Variants in CNTLN observed in about 807,000 individuals in gnomAD.
CNTLN encodes centlein, also known as centlein, centrosomal protein.
CNTLN carries 212 observed loss-of-function variants against 180.0 expected under a neutral mutation model. The ratio of observed to expected loss-of-function variants is 1.18; its 90% CI spans 1.05 to 1.32. CNTLN has a LOEUF of 1.32. Among genes scored for constraint, CNTLN ranks in the 40% most tolerant of loss-of-function variants. CNTLN has a pLI of 0.00. For missense variants in CNTLN, 2,095 were observed against 1,610.9 expected (o/e 1.30, Z -5.14); for synonymous variants, 722 against 563.1 (o/e 1.28, Z -3.99).
intron 25 of CNTLN, 157 bp downstream of exon 25, chr9:17,487,223 T>C: frequency 1.6e-6 from 1 of 637,316 alleles, no homozygotes; most frequent in East Asian, 2.9e-5. Context: ...GTTAACCCTC[T>C]ATTTGTACTT....
intron 13 of CNTLN, among the ~76,000 whole-genome samples, chr9:17,378,240 C>T (rs535063345): frequency 6.6e-6 from 1 of 152,212 alleles, no homozygotes; most frequent in Non-Finnish European, 1.5e-5. Flanking sequence ...AATGCAGTGG[C>T]ACAATCTTGG....
In CNTLN at chr9:17,301,821, C is replaced by A. The variant is rs1038213817; in HGVS notation, c.1146+3469C>A. Reference sequence around the variant, plus strand: ...AACAAAGTCTTTTATAATTCCATCTCCCAGAGGCAAATACTGTGAACATTT... The same window carrying A: ...AACAAAGTCTTTTATAATTCCATCTACCAGAGGCAAATACTGTGAACATTT... On this transcript the variant is annotated intron_variant, in intron 7 of 25. Transcript: ENST00000380647. 2.4e-5 allele frequency: 24 copies of A among 980,934 alleles called. No individual in the cohort carries two copies. In the Admixed American group the frequency reaches 6.2e-4, roughly 25 times the overall value. 60.8% of individuals were successfully genotyped at this position (980,934 alleles called of 1,614,324 possible). A position where few individuals can be genotyped will look rare whatever the true frequency, so the allele number is the denominator to read the frequency against.
chr9:17,439,049 G>A (rs1391406134), intron 18 of CNTLN, among the ~76,000 whole-genome samples: 2 of 152,108 alleles, frequency 1.3e-5, no homozygotes, highest in African/African-American at 4.8e-5. Context: ...TTGAGGAATG[G>A]GAACAGAAAG....
intron 5 of CNTLN, among the ~76,000 whole-genome samples, chr9:17,255,155 T>C (rs1457615620): frequency 3.3e-5 from 5 of 151,868 alleles, no homozygotes; most frequent in South Asian, 2.1e-4. Flanking sequence ...ACTTCTGCCT[T>C]TTTGATTAGG....
chr9:17,491,938 C>T (rs375675725), intron 25 of CNTLN, among the ~76,000 whole-genome samples: 104 of 145,368 alleles, frequency 7.2e-4, no homozygotes, highest in African/African-American at 2.7e-3. Context: ...AAAGTTTCTC[C>T]TTGCATCTCT....
At chr9:17,270,063 A>G (rs1827820368) in intron 5 of CNTLN, among the ~76,000 whole-genome samples, 1 of 151,970 alleles carries the variant, frequency 6.6e-6, no homozygotes, top group Non-Finnish European at 1.5e-5. Flanking sequence ...TTTTTGGTGG[A>G]AGATCATATT....
Position 17,385,218 on chromosome 9 carries a change from C to A in CNTLN, c.1988-2944C>A, listed in dbSNP as rs76009729. The stretch of plus-strand genomic sequence containing the variant: ...TCTGAGCATGCCACCTTCAGCACCT[C>A]AATGTGTTCACCAACTTGGAATTTC... On this transcript the variant is annotated intron_variant, in intron 13 of 25. Coordinates refer to ENST00000380647, the MANE Select transcript of CNTLN (RefSeq NM_017738.4). Among the ~76,000 whole-genome samples the A allele has an allele frequency of 6.0e-4, 92 of 152,330 alleles. No homozygotes were observed. The East Asian group carries it at 0.016, about 26-fold the overall frequency.
At chr9:17,471,686 T>G (rs1393379751) in intron 23 of CNTLN, among the ~76,000 whole-genome samples, 1 of 152,090 alleles carries the variant, frequency 6.6e-6, no homozygotes, top group African/African-American at 2.4e-5. Flanking sequence ...TACAGTGTTT[T>G]TAGCAAATGA....
At chr9:17,143,190 G>A (rs1178267302) in intron 1 of CNTLN, 98 bp from the exon 2 acceptor site, 14 of 781,358 alleles carry the variant, frequency 1.8e-5, no homozygotes, top group Non-Finnish European at 3.0e-5. Flanking sequence ...TACAACTAGG[G>A]ATCAAGTAAT....
At chr9:17,353,062 T>G (rs1002429783) in intron 12 of CNTLN, among the ~76,000 whole-genome samples, 2 of 152,176 alleles carry the variant, frequency 1.3e-5, no homozygotes, top group Admixed American at 6.5e-5. Context: ...TTCCAGTTCT[T>G]TTGGGTATAA....
At chr9:17,163,383 A>G (rs1819818193) in intron 2 of CNTLN, among the ~76,000 whole-genome samples, 2 of 152,244 alleles carry the variant, frequency 1.3e-5, no homozygotes, top group African/African-American at 4.8e-5. Flanking sequence ...TTTTCTAGAA[A>G]TAAGAGTATA....
chr9:17,251,334 A>T (rs1826126046), intron 5 of CNTLN, among the ~76,000 whole-genome samples: 1 of 151,930 alleles, frequency 6.6e-6, no homozygotes, highest in Non-Finnish European at 1.5e-5. Context: ...TTATTCAAAT[A>T]GTATTTCTAC....
At chr9:17,287,116 C>T (rs1829033340) in intron 6 of CNTLN, among the ~76,000 whole-genome samples, 1 of 117,908 alleles carries the variant, frequency 8.5e-6, no homozygotes, top group Admixed American at 9.1e-5. Flanking sequence ...CAGTTTTTGC[C>T]CATTCAGTAT....
At chr9:17,168,009 T>A (rs1820194065) in intron 2 of CNTLN, 1 of 152,180 alleles carries the variant, frequency 6.6e-6, no homozygotes, top group Non-Finnish European at 1.5e-5. Context: ...AGATTACACA[T>A]GTCAGACTCT....
intron 2 of CNTLN, among the ~76,000 whole-genome samples, chr9:17,178,177 A>ACGGAGTGT: frequency 6.6e-6 from 1 of 151,986 alleles, no homozygotes; most frequent in Non-Finnish European, 1.5e-5. Flanking sequence ...TTAACTAGAT[A>ACGGAGTGT]CGGAGTGTCG....
intron 15 of CNTLN, 44 bp downstream of exon 15, chr9:17,395,113 A>T (rs899246875): frequency 1.2e-5 from 19 of 1,534,580 alleles, no homozygotes; most frequent in Non-Finnish European, 1.6e-5. Context: ...GACACTGCGC[A>T]TATGTAAAGC....
At position 17,258,153 on chromosome 9, in the gene CNTLN, T is replaced by G. The variant is rs570348141; in HGVS notation, c.850-15580T>G. On this transcript the variant is annotated intron_variant, in intron 5 of 25. Transcript: ENST00000380647. ...TTAATCCATCTTGAATTGATTTTTG[T>G]ATAAGGTGTAAGGAAGGGATCCAGT... Among the ~76,000 whole-genome samples, 4 of 146,876 alleles carry G rather than the reference T, an allele frequency of 2.7e-5. 1 individual carries two copies. The highest frequency in any genetic ancestry group is 1.0e-4 in the African/African-American group (4 of 38,258).
In CNTLN at chr9:17,495,470, A is replaced by C. The variant is rs867109319; in HGVS notation, c.4120-7081A>C. Among the ~76,000 whole-genome samples the C allele has an allele frequency of 2.0e-5, 3 of 152,244 alleles. No homozygotes were observed. The Middle Eastern group carries it at 0.01, about 518-fold the overall frequency. On this transcript the variant is annotated intron_variant, in intron 25 of 25. Coordinates refer to ENST00000380647, the MANE Select transcript of CNTLN (RefSeq NM_017738.4). ...TTAATTAAAACGTTTAAAAATAAAA[A>C]AATACAAAATTATTTATATCCTTAC...
chr9:17,500,482 A>G (rs548669559), intron 25 of CNTLN, among the ~76,000 whole-genome samples: 1 of 152,324 alleles, frequency 6.6e-6, no homozygotes, highest in Admixed American at 6.5e-5. Flanking sequence ...TACACAGGAA[A>G]TGATACAACC....
Sources: gnomAD v4.1 joint callset for allele counts (sites outside exome capture counted in the v4.1 genomes callset) on GRCh38, gnomAD v4.1.1 for gene constraint, MANE v1.5 for transcripts, NCBI Gene and HGNC (gene_info 2026-07-23, HGNC 2026-07-21) for gene names.